Variants in BACH2 observed in about 807,000 individuals in gnomAD.
BACH2 encodes BACH transcriptional regulator 2, also known as transcription regulator protein BACH2.
In BACH2, 5 loss-of-function variants were observed where a neutral mutation model predicts 61.8. That is an observed-to-expected ratio of 0.08 (90% CI 0.04 to 0.17). BACH2 has a LOEUF of 0.17. BACH2 is among the 10% of genes least tolerant of loss of function. The probability of loss-of-function intolerance (pLI) is 1.00; values close to 1 mark genes in which losing one functional copy is unlikely to be tolerated. For missense variants in BACH2, 824 were observed against 1,091.1 expected (o/e 0.76, Z 3.45); for synonymous variants, 446 against 440.1 (o/e 1.01, Z -0.17).
At position 89,932,356 on chromosome 6, in the gene BACH2, G is replaced by T; in HGVS notation, c.*52C>A. On this transcript the variant is annotated 3_prime_UTR_variant, in exon 9 of 9. Coordinates refer to ENST00000257749, the MANE Select transcript of BACH2 (RefSeq NM_021813.4). ...AGATGAACAGTGCCACAGGCTGACTGAAGAACGCCTGGATGGGAGAGGTGT... is the reference window on the plus strand; with the variant it reads ...AGATGAACAGTGCCACAGGCTGACTTAAGAACGCCTGGATGGGAGAGGTGT... The T allele has an allele frequency of 6.3e-7, 1 of 1,579,054 alleles. No homozygotes were observed. The highest frequency in any genetic ancestry group is 1.2e-5 in the South Asian group (1 of 86,082).
At chr6:90,197,822 A>G (rs1768810854) in intron 4 of BACH2, among the ~76,000 whole-genome samples, 1 of 152,234 alleles carries the variant, frequency 6.6e-6, no homozygotes, top group African/African-American at 2.4e-5. Context: ...TGTTTTAATT[A>G]AGAAAATACT....
At chr6:90,061,266 G>A (rs1253491825) in intron 5 of BACH2, among the ~76,000 whole-genome samples, 1 of 152,112 alleles carries the variant, frequency 6.6e-6, no homozygotes, top group African/African-American at 2.4e-5. Flanking sequence ...GAAATGACTC[G>A]ATATCTGATT....
At chr6:89,984,353 A>T (rs182926281) in intron 6 of BACH2, among the ~76,000 whole-genome samples, 1 of 152,208 alleles carries the variant, frequency 6.6e-6, no homozygotes. Flanking sequence ...AAATTATCTA[A>T]ATTAGTCCTA....
chr6:90,169,214 G>C (rs1767730466), intron 4 of BACH2, among the ~76,000 whole-genome samples: 1 of 151,066 alleles, frequency 6.6e-6, no homozygotes, highest in African/African-American at 2.4e-5. Flanking sequence ...ATAAACATCT[G>C]TTATTTTTTA....
At chr6:90,014,797 G>C (rs1777967709) in intron 5 of BACH2, among the ~76,000 whole-genome samples, 1 of 151,418 alleles carries the variant, frequency 6.6e-6, no homozygotes, top group African/African-American at 2.4e-5. Flanking sequence ...ATTTTTTAAA[G>C]AGACAGTGTC....
At chr6:89,960,542 T>C (rs561426893) in intron 6 of BACH2, among the ~76,000 whole-genome samples, 4 of 152,398 alleles carry the variant, frequency 2.6e-5, no homozygotes, top group African/African-American at 9.6e-5. Context: ...AGTACATCTT[T>C]TGGTATGCAG....
intron 3 of BACH2, among the ~76,000 whole-genome samples, chr6:90,242,915 T>C (rs1770500402): frequency 1.3e-5 from 2 of 152,022 alleles, no homozygotes; most frequent in Admixed American, 6.6e-5. Context: ...GTTTAGCTCT[T>C]GTTGCCCAGA....
chr6:90,104,801 ACCC>A (rs1361081968), intron 4 of BACH2, among the ~76,000 whole-genome samples: 4 of 151,994 alleles, frequency 2.6e-5, no homozygotes, highest in African/African-American at 9.7e-5. Flanking sequence ...ATGTTTCAAG[ACCC>A]CTGTAGGATG....
chr6:90,126,534 A>T (rs1431284362), intron 4 of BACH2, among the ~76,000 whole-genome samples: 2 of 152,240 alleles, frequency 1.3e-5, no homozygotes, highest in African/African-American at 4.8e-5. Flanking sequence ...AGTGAACATG[A>T]ACATAGAGCT....
At chr6:89,941,230 T>C (rs1773410446) in intron 7 of BACH2, among the ~76,000 whole-genome samples, 1 of 152,190 alleles carries the variant, frequency 6.6e-6, no homozygotes, top group Admixed American at 6.5e-5. Flanking sequence ...CCGGCATGTG[T>C]GGCTAGTCAA....
intron 5 of BACH2, among the ~76,000 whole-genome samples, chr6:90,075,522 A>G (rs1781435655): frequency 6.6e-6 from 1 of 150,564 alleles, no homozygotes; most frequent in Non-Finnish European, 1.5e-5. Context: ...TTATGATTGG[A>G]TGAATAAAAT....
At chr6:90,230,653 T>A (rs551489846) in intron 3 of BACH2, among the ~76,000 whole-genome samples, 1 of 152,210 alleles carries the variant, frequency 6.6e-6, no homozygotes, top group Non-Finnish European at 1.5e-5. Flanking sequence ...CCACTAACAA[T>A]GAACGGTACT....
intron 5 of BACH2, among the ~76,000 whole-genome samples, chr6:90,015,657 A>G (rs1015025899): frequency 1.3e-5 from 2 of 152,162 alleles, no homozygotes; most frequent in Non-Finnish European, 2.9e-5. Flanking sequence ...TAATCCTTTT[A>G]AATTTATGGA....
At chr6:90,295,767 T>C (rs1375037985) in intron 1 of BACH2, among the ~76,000 whole-genome samples, 1 of 152,066 alleles carries the variant, frequency 6.6e-6, no homozygotes, top group Non-Finnish European at 1.5e-5. Flanking sequence ...AGGTCTTAGC[T>C]ACGCGGGACG....
chr6:89,960,769 A>G (rs1266162099), intron 6 of BACH2, among the ~76,000 whole-genome samples: 1 of 152,234 alleles, frequency 6.6e-6, no homozygotes, highest in Non-Finnish European at 1.5e-5. Flanking sequence ...GGGGTGCCAC[A>G]TGGCACCAGA....
chr6:90,129,375 GGTTT>G (rs1282715139), intron 4 of BACH2, among the ~76,000 whole-genome samples: 22 of 152,124 alleles, frequency 1.4e-4, no homozygotes, highest in African/African-American at 4.8e-4. Flanking sequence ...AGAATGTGCA[GGTTT>G]GTTACACAGG....
intron 4 of BACH2, among the ~76,000 whole-genome samples, chr6:90,187,966 C>T (rs955490045): frequency 5.3e-5 from 8 of 152,134 alleles, no homozygotes; most frequent in African/African-American, 1.4e-4. Context: ...GCTGAGGCTA[C>T]GGGTCTCACT....
chr6:90,219,446 TTC>T (rs1370876612), intron 3 of BACH2, among the ~76,000 whole-genome samples: 6 of 152,188 alleles, frequency 3.9e-5, no homozygotes, highest in Non-Finnish European at 7.4e-5. Context: ...GTGTTTCTTT[TTC>T]TCTCTCTTTT....
chr6:89,972,983 G>C (rs757159457), intron 6 of BACH2, among the ~76,000 whole-genome samples: 1 of 152,124 alleles, frequency 6.6e-6, no homozygotes, highest in African/African-American at 2.4e-5. Flanking sequence ...TCAGCTACTC[G>C]GGAGTCTGAG....
Sources: allele counts gnomAD v4.1 joint callset (sites outside exome capture counted in the v4.1 genomes callset), GRCh38; gene constraint gnomAD v4.1.1; transcripts MANE v1.5; gene names NCBI Gene and HGNC (gene_info 2026-07-23, HGNC 2026-07-21).